CDK14: variants seen among roughly 807,000 people sequenced by gnomAD.
CDK14 encodes the protein cyclin dependent kinase 14, also known as cyclin-dependent kinase 14.
CDK14 carries 34 observed loss-of-function variants against 60.7 expected under a neutral mutation model. The observed-to-expected ratio is 0.56, with a 90% CI of 0.43 to 0.75. CDK14 has a LOEUF of 0.75. CDK14 is among the 30% of genes least tolerant of loss of function. The pLI, the probability that CDK14 is intolerant of heterozygous loss-of-function variation, is 0.00. For missense variants in CDK14, 482 were observed against 564.1 expected, an observed-to-expected ratio of 0.85 and a Z score of 1.47; for synonymous variants, 197 against 203.7, an observed-to-expected ratio of 0.97 and a Z score of 0.28.
intron 4 of CDK14, among the ~76,000 whole-genome samples, chr7:90,763,783 G>A (rs147596397): frequency 0.15 from 22,196 of 151,950 alleles, 1,796 homozygotes; most frequent in Middle Eastern, 0.24. Flanking sequence ...CCTGCATGTT[G>A]TGCACATGTA....
intron 12 of CDK14, among the ~76,000 whole-genome samples, chr7:91,103,700 G>A (rs1584063288): frequency 6.6e-6 from 1 of 152,088 alleles, no homozygotes; most frequent in African/African-American, 2.4e-5. Flanking sequence ...TCATTTCTGA[G>A]GTATAAAAAC....
In CDK14 at chr7:91,175,215, T is replaced by C. The variant is rs555410118; in HGVS notation, c.*29-31950T>C. Among the ~76,000 whole-genome samples, 46 of 151,874 alleles carry C rather than the reference T, an allele frequency of 3.0e-4. No homozygotes were observed. The East Asian group carries it at 8.6e-3, about 28-fold the overall frequency. On this transcript the variant is annotated intron_variant, in intron 14 of 14. Transcript: ENST00000380050. ...TCATATCCAGCCAAACTAAGCGTCA[T>C]AAGTGAAGGAGAAATAAAATAGTTT...
intron 14 of CDK14, among the ~76,000 whole-genome samples, chr7:91,172,208 A>C (rs1001526574): frequency 6.6e-6 from 1 of 152,206 alleles, no homozygotes; most frequent in African/African-American, 2.4e-5. Context: ...CCTTCACTGG[A>C]AGATTCTGAA....
chr7:91,194,301 AC>A (rs1273721942), intron 14 of CDK14, among the ~76,000 whole-genome samples: 2 of 152,220 alleles, frequency 1.3e-5, no homozygotes, highest in Admixed American at 6.5e-5. Context: ...TAATTAAAAA[AC>A]AAAAGAGCTT....
At chr7:90,971,587 G>A (rs1794933083) in intron 9 of CDK14, among the ~76,000 whole-genome samples, 1 of 149,390 alleles carries the variant, frequency 6.7e-6, no homozygotes, top group South Asian at 2.1e-4. Flanking sequence ...AGTGTTTGGA[G>A]ATCAGATTGT....
intron 10 of CDK14, among the ~76,000 whole-genome samples, chr7:91,011,492 G>A (rs1481284361): frequency 6.6e-6 from 1 of 152,010 alleles, no homozygotes; most frequent in Non-Finnish European, 1.5e-5. Flanking sequence ...TTTCAATTTT[G>A]GAAAATTTTA....
intron 9 of CDK14, among the ~76,000 whole-genome samples, chr7:90,956,065 C>T (rs1288539472): frequency 1.3e-5 from 2 of 152,110 alleles, no homozygotes; most frequent in African/African-American, 4.8e-5. Flanking sequence ...CTGTCAGTAT[C>T]ATGATTTTTC....
At chr7:90,952,476 G>A (rs781262670) in intron 8 of CDK14, among the ~76,000 whole-genome samples, 16 of 152,124 alleles carry the variant, frequency 1.1e-4, no homozygotes, top group Admixed American at 2.6e-4. Context: ...GGCTTGAATA[G>A]CAGGATTATC....
intron 10 of CDK14, among the ~76,000 whole-genome samples, chr7:91,012,003 A>G (rs903113032): frequency 2.6e-5 from 4 of 152,046 alleles, no homozygotes; most frequent in African/African-American, 9.7e-5. Flanking sequence ...TCAATGCCAT[A>G]TATCGTGAAT....
At position 91,144,997 on chromosome 7, in the gene CDK14, A is replaced by G. The variant is rs562233393; in HGVS notation, c.*28+26789A>G. On this transcript the variant is annotated intron_variant, in intron 14 of 14. Coordinates refer to ENST00000380050, the MANE Select transcript of CDK14 (RefSeq NM_001287135.2). ...TTTGAACACTCAGATGGATCGCACT[A>G]CTTTCCTTTCATTTTCACCTTTTTA... 2.0e-5 allele frequency among the ~76,000 whole-genome samples: 3 copies of G among 152,262 alleles called. No individual in the cohort carries two copies. In the East Asian group the frequency reaches 5.8e-4, roughly 29 times the overall value.
At chr7:90,822,821 G>T (rs561656203) in intron 5 of CDK14, among the ~76,000 whole-genome samples, 1 of 152,312 alleles carries the variant, frequency 6.6e-6, no homozygotes, top group African/African-American at 2.4e-5. Context: ...GGAAGGGGCA[G>T]TCTTTAGAAG....
At chr7:91,169,732 C>T (rs968628069) in intron 14 of CDK14, among the ~76,000 whole-genome samples, 29 of 152,146 alleles carry the variant, frequency 1.9e-4, no homozygotes, top group Non-Finnish European at 3.7e-4. Context: ...TTCAGAAACT[C>T]GATTTGTGTT....
chr7:90,709,297 C>T (rs1801974829), intron 2 of CDK14: 1 of 728,216 alleles, frequency 1.4e-6, no homozygotes, highest in Non-Finnish European at 2.0e-6. Flanking sequence ...GAAACTTGGC[C>T]TTCTATAGGA....
chr7:90,635,036 C>A (rs1800104740), intron 2 of CDK14, among the ~76,000 whole-genome samples: 1 of 152,026 alleles, frequency 6.6e-6, no homozygotes, highest in Non-Finnish European at 1.5e-5. Context: ...GATATTAGCC[C>A]TTTGTCAGAT....
intron 5 of CDK14, among the ~76,000 whole-genome samples, chr7:90,794,030 G>A (rs149485706): frequency 7.4e-4 from 113 of 152,194 alleles, no homozygotes; most frequent in African/African-American, 2.5e-3. Context: ...AGAAATAAAG[G>A]GAAAGAGTAC....
chr7:90,691,815 G>T (rs1801558683), intron 2 of CDK14, among the ~76,000 whole-genome samples: 1 of 152,128 alleles, frequency 6.6e-6, no homozygotes, highest in Non-Finnish European at 1.5e-5. Flanking sequence ...TCATTTTGAA[G>T]GTAGAGCCAG....
chr7:90,750,899 G>GA (rs1803816209), intron 4 of CDK14, among the ~76,000 whole-genome samples: 1 of 151,802 alleles, frequency 6.6e-6, no homozygotes, highest in South Asian at 2.1e-4. Flanking sequence ...AAGAAAAGAA[G>GA]AAAACAGTTG....
At chr7:91,120,175 G>T (rs1032138071) in intron 14 of CDK14, among the ~76,000 whole-genome samples, 1 of 152,192 alleles carries the variant, frequency 6.6e-6, no homozygotes, top group Admixed American at 6.5e-5. Context: ...TTGCAAGGCT[G>T]TGTTCCTCTT....
chr7:91,016,923 T>C (rs114953010), intron 10 of CDK14, among the ~76,000 whole-genome samples: 1,776 of 152,240 alleles, frequency 0.012, 27 homozygotes, highest in African/African-American at 0.039. Context: ...AAAAACTTCA[T>C]TGGGCCTATT....
Sources: allele counts gnomAD v4.1 joint callset (sites outside exome capture counted in the v4.1 genomes callset), GRCh38; gene constraint gnomAD v4.1.1; transcripts MANE v1.5; gene names NCBI Gene and HGNC (gene_info 2026-07-23, HGNC 2026-07-21).